COL6A1: variants seen among roughly 807,000 people sequenced by gnomAD.
The protein encoded by COL6A1 is collagen type VI alpha 1 chain.
COL6A1 carries 80 observed loss-of-function variants against 145.6 expected under a neutral mutation model. The observed-to-expected ratio is 0.55, with a 90% confidence interval of 0.46 to 0.66. COL6A1 has a LOEUF of 0.66. COL6A1 is among the 30% of genes least tolerant of loss of function. The pLI is 0.00. For synonymous variants in COL6A1, 638 were observed against 622.8 expected (o/e 1.02, Z -0.36); for missense variants, 1,364 against 1,473.8 (o/e 0.93, Z 1.22).
chr21:45,997,715 C>A lies in COL6A1; in HGVS notation c.1477C>A (p.Pro493Thr), dbSNP rs760275915. 6.9e-6 allele frequency: 11 copies of A among 1,593,532 alleles called. No individual in the cohort carries two copies. In the South Asian group the frequency reaches 1.1e-4, roughly 16 times the overall value. The change falls in exon 22 of 35, where the codon CCA (proline) becomes ACA (threonine). Residue 493 changes from proline to threonine, a missense_variant. Physicochemically the swap from Pro to Thr is conservative, Grantham distance 38. This residue lies in a region of COL6A1 where 938 missense variants were observed against 1,003.8 expected (regional missense o/e 0.93). Transcript: ENST00000361866. ...PPGSEGARGA[P>T]GPAGPPGDPG... ...TCCTCCTCAGGGTGCCAGAGGAGCC[C>A]CAGGACCTGCCGGACCCCCTGGAGA...
intron 15 of COL6A1, among the ~76,000 whole-genome samples, chr21:45,991,310 C>T (rs1178017248): frequency 2.0e-5 from 3 of 152,238 alleles, no homozygotes; most frequent in Admixed American, 6.5e-5. Context: ...CCGCACCTGC[C>T]GCTCGCTCGG....
At chr21:45,982,485 A>C (rs2077713631) in intron 1 of COL6A1, 149 bp from the exon 2 acceptor site, 2 of 1,092,946 alleles carry the variant, frequency 1.8e-6, no homozygotes, top group Non-Finnish European at 2.7e-6. Context: ...GTCCCCACCG[A>C]GGGACGTCCT....
At chr21:46,002,154 C>A in intron 31 of COL6A1, 64 bp from the exon 32 acceptor site, 1 of 1,574,384 alleles carries the variant, frequency 6.4e-7, no homozygotes, top group East Asian at 2.3e-5. Context: ...CCCCTGATCC[C>A]AGGTGGGCTC....
chr21:46,004,804 T>C lies in COL6A1; in HGVS notation c.*791T>C. On this transcript the variant is annotated 3_prime_UTR_variant, in exon 35 of 35. Coordinates refer to ENST00000361866, the MANE Select transcript of COL6A1 (RefSeq NM_001848.3). ...TCAAGACCCTCGAGATTAACGGTGC[T>C]AACCCCGTCTGCTCCTCCCTCCCGC... 5.5e-6 allele frequency: 2 copies of C among 363,288 alleles called. No individual in the cohort carries two copies. Among genetic ancestry groups the C allele is most frequent in the East Asian group, 8.5e-5 (1 of 11,740 alleles). 22.5% of individuals were successfully genotyped at this position (363,288 alleles called of 1,614,324 possible).
chr21:45,987,200 A>T lies in COL6A1; in HGVS notation c.738+25A>T, dbSNP rs868089371. 13 of 1,558,342 alleles carry T rather than the reference A, an allele frequency of 8.3e-6. No homozygotes were observed. The Middle Eastern group carries it at 2.0e-3, about 240-fold the overall frequency. On this transcript the variant is annotated intron_variant, in intron 6 of 34. Transcript: ENST00000361866. The stretch of plus-strand genomic sequence containing the variant: ...GGTAAGAGCCCTCCCCACCACCCCC[A>T]GCCGTGAGTCTGCACACGTCCACCC...
intron 29 of COL6A1, 64 bp downstream of exon 29, chr21:46,000,831 C>A (rs1460388722): frequency 1.9e-6 from 3 of 1,589,682 alleles, no homozygotes; most frequent in East Asian, 2.2e-5. Context: ...AGGCCTGGGT[C>A]CCACACATGT....
chr21:45,992,632 G>T, intron 18 of COL6A1, 116 bp from the exon 19 acceptor site: 1 of 1,123,372 alleles, frequency 8.9e-7, no homozygotes, highest in South Asian at 1.4e-5. Context: ...GTGGAGGGGT[G>T]GCCCCTCCCA....
At chr21:45,984,518 C>G in intron 3 of COL6A1, 49 bp downstream of exon 3, 2 of 1,579,054 alleles carry the variant, frequency 1.3e-6, no homozygotes, top group Non-Finnish European at 8.6e-7. Flanking sequence ...CGCGTGGTAC[C>G]CAGCCTGGGC....
chr21:45,997,522 G>GT, intron 21 of COL6A1, 39 bp downstream of exon 21: 1 of 1,602,158 alleles, frequency 6.2e-7, no homozygotes, highest in African/African-American at 1.3e-5. Flanking sequence ...CCACCCAGGG[G>GT]GGCCTGAGGA....
chr21:45,999,312 G>A, intron 26 of COL6A1, 94 bp downstream of exon 26: 1 of 1,250,994 alleles, frequency 8.0e-7, no homozygotes, highest in Non-Finnish European at 1.1e-6. Flanking sequence ...GGGAGAGTGG[G>A]AGGCGGCGGG....
intron 11 of COL6A1, 118 bp downstream of exon 11, chr21:45,989,896 C>G (rs1015943100): frequency 7.6e-7 from 1 of 1,316,052 alleles, no homozygotes; most frequent in Non-Finnish European, 1.1e-6. Context: ...TCCTGCAGAC[C>G]CGCTCCACCG....
At position 46,000,279 on chromosome 21, in the gene COL6A1, C is replaced by G. The variant is rs903744865; in HGVS notation, c.1777-52C>G. The G allele has an allele frequency of 6.2e-6, 10 of 1,611,512 alleles. No individual in the cohort carries two copies. In the East Asian group the frequency reaches 2.0e-4, roughly 32 times the overall value. On this transcript the variant is annotated intron_variant, in intron 27 of 34. Transcript: ENST00000361866. ...CTGGAGATCCAGCAGCCCACAGTCC[C>G]CGCTGGGAGGGGCTGTCTATGGCCC... is the stretch of plus-strand genomic sequence containing the variant.
In COL6A1 at chr21:45,999,700, G is replaced by A. The variant is rs1603593504; in HGVS notation, c.1776+8G>A. On this transcript the variant is annotated splice_region_variant and intron_variant, in intron 27 of 34. Transcript: ENST00000361866. ...GGACCGCCTGGGCCGGACGTAAGTGGGGCTCTGTGAACATTGCTGGGGGCG... is the reference window on the plus strand; with the variant it reads ...GGACCGCCTGGGCCGGACGTAAGTGAGGCTCTGTGAACATTGCTGGGGGCG... 6.2e-7 allele frequency: 1 copy of A among 1,612,974 alleles called. No individual in the cohort carries two copies.
At chr21:45,985,215 G>A (rs1344824375) in intron 3 of COL6A1, among the ~76,000 whole-genome samples, 1 of 151,820 alleles carries the variant, frequency 6.6e-6, no homozygotes, top group African/African-American at 2.4e-5. Flanking sequence ...CAGAGGCAGA[G>A]AGACAGAGAG....
intron 1 of COL6A1, 56 bp from the exon 2 acceptor site, chr21:45,982,578 G>C: frequency 6.2e-7 from 1 of 1,610,626 alleles, no homozygotes. Flanking sequence ...AGGCCCAGCA[G>C]AGACTCGGGG....
chr21:46,004,217 C>A lies in COL6A1; in HGVS notation c.*204C>A. The A allele has an allele frequency of 1.5e-6, 1 of 671,562 alleles. No individual in the cohort carries two copies. Among genetic ancestry groups the A allele is most frequent in the South Asian group, 1.9e-5 (1 of 52,686 alleles). 41.6% of individuals were successfully genotyped at this position (671,562 alleles called of 1,614,324 possible). On this transcript the variant is annotated 3_prime_UTR_variant, in exon 35 of 35. Coordinates refer to ENST00000361866, the MANE Select transcript of COL6A1 (RefSeq NM_001848.3). ...CTCAGCCCTGAGTTGGCATCACCTG[C>A]GCAGGGCCCTCTGGGGCTCAGCCCT...
At chr21:45,991,098 A>AT in intron 15 of COL6A1, 57 bp downstream of exon 15, 5 of 1,572,848 alleles carry the variant, frequency 3.2e-6, no homozygotes, top group Non-Finnish European at 4.4e-6. Context: ...CAAGCGCTGA[A>AT]TTGGAAACCT....
chr21:45,996,699 C>T (rs1048332929), intron 20 of COL6A1, among the ~76,000 whole-genome samples: 4 of 152,212 alleles, frequency 2.6e-5, no homozygotes, highest in South Asian at 2.1e-4. Flanking sequence ...CAGCTGGGCG[C>T]GCTGGGAAGT....
Position 45,998,990 on chromosome 21 carries a change from C to T in COL6A1, c.1674+31C>T, listed in dbSNP as rs768823391. ...TGTGGATGGGAGGCAGGGCCAGCCC[C>T]AAGTCCACCTGAGCCAGAGGGCTGG... On this transcript the variant is annotated intron_variant, in intron 25 of 34. Coordinates refer to ENST00000361866, the MANE Select transcript of COL6A1 (RefSeq NM_001848.3). The T allele has an allele frequency of 2.6e-5, 41 of 1,550,400 alleles. No homozygotes were observed. In the South Asian group the frequency reaches 4.8e-4, roughly 18 times the overall value.
Sources: allele counts gnomAD v4.1 joint callset (sites outside exome capture counted in the v4.1 genomes callset), GRCh38; gene constraint gnomAD v4.1.1; regional missense constraint gnomAD v4.1.1; transcripts MANE v1.5; gene names NCBI Gene and HGNC (gene_info 2026-07-23, HGNC 2026-07-21).